Variants in NSUN4 observed in about 807,000 individuals in gnomAD.
NSUN4 encodes the protein NOP2/Sun RNA methyltransferase 4, also known as 5-cytosine rRNA methyltransferase NSUN4.
NSUN4 carries 31 observed loss-of-function variants against 43.8 expected under a neutral mutation model. The observed-to-expected ratio is 0.71, with a 90% CI of 0.53 to 0.96. The LOEUF is 0.96. Ranked by LOEUF, NSUN4 falls within the 40% of genes least tolerant of loss-of-function variation. The pLI is 0.00. For missense variants in NSUN4, 439 were observed against 475.6 expected (o/e 0.92, Z 0.72); for synonymous variants, 167 against 184.1 (o/e 0.91, Z 0.75).
In NSUN4 at chr1:46,344,842, G is replaced by A. The variant is rs758297683; in HGVS notation, c.135G>A (p.Leu45=). 3 of 1,614,078 alleles carry A rather than the reference G, an allele frequency of 1.9e-6. No homozygotes were observed. The African/African-American group carries it at 4.0e-5, about 22-fold the overall frequency. The stretch of plus-strand genomic sequence containing the variant: ...AATTCCCTGCTGTTCGACTGGCTTT[G>A]CAGAATTTTGACATGACTTACAGTG... ...EPKFPAVRLA[L]QNFDMTYSVQ... The change falls in exon 2 of 6, where the codon TTG becomes TTA. Residue 45 remains leucine, a synonymous_variant. Transcript: ENST00000474844.
rs930721928 is a variant in NSUN4 at position 46,363,742 on chromosome 1, G to A, written c.*1896G>A. 6.6e-6 allele frequency: 1 copy of A among 152,396 alleles called. No homozygotes were observed. Among genetic ancestry groups the A allele is most frequent in the African/African-American group, 2.4e-5 (1 of 41,374 alleles). 9.4% of individuals were successfully genotyped at this position (152,396 alleles called of 1,614,324 possible). A position where few individuals can be genotyped will look rare whatever the true frequency, so the allele number is the denominator to read the frequency against. ...AGCAAGAGAGTGGACAAGTAAACTG[G>A]AATATTCACATAATAGAACATTATA... On this transcript the variant is annotated 3_prime_UTR_variant, in exon 6 of 6. Transcript: ENST00000474844.
chr1:46,366,255 A>G (rs1664130130), downstream of NSUN4, among the ~76,000 whole-genome samples: 1 of 152,238 alleles, frequency 6.6e-6, no homozygotes, highest in Admixed American at 6.5e-5. Context: ...ATTTAAAAAC[A>G]TGTAAAAAGA....
chr1:46,367,224 T>G (rs896802542), downstream of NSUN4, among the ~76,000 whole-genome samples: 2 of 152,124 alleles, frequency 1.3e-5, no homozygotes, highest in Admixed American at 1.3e-4. Context: ...ATCTGCATTC[T>G]TCATCTCCAA....
intron 2 of NSUN4, among the ~76,000 whole-genome samples, chr1:46,345,755 A>G (rs1014013392): frequency 1.7e-4 from 26 of 152,232 alleles, no homozygotes; most frequent in African/African-American, 6.3e-4. Flanking sequence ...GAATGAGAAA[A>G]GACTGCAGAA....
At chr1:46,347,102 CAG>C (rs760023425) in intron 3 of NSUN4, 27 bp downstream of exon 3, 7 of 1,605,104 alleles carry the variant, frequency 4.4e-6, no homozygotes, top group Middle Eastern at 1.7e-4. Context: ...GTGTGTTGGG[CAG>C]AGAGAGCTCC....
At chr1:46,361,346 G>A (rs1008197162) in intron 5 of NSUN4, among the ~76,000 whole-genome samples, 3 of 152,172 alleles carry the variant, frequency 2.0e-5, no homozygotes, top group Non-Finnish European at 2.9e-5. Context: ...GGGGGTCATT[G>A]TAAGGAGACT....
downstream of NSUN4, among the ~76,000 whole-genome samples, chr1:46,367,898 G>A (rs1557748328): frequency 6.6e-6 from 1 of 151,642 alleles, no homozygotes; most frequent in Admixed American, 6.6e-5. Flanking sequence ...CTGAGTAGCT[G>A]GGACTACAGG....
At chr1:46,357,267 CT>C (rs1663449841) in intron 4 of NSUN4, among the ~76,000 whole-genome samples, 1 of 152,198 alleles carries the variant, frequency 6.6e-6, no homozygotes, top group Non-Finnish European at 1.5e-5. Flanking sequence ...GCAACCTCTG[CT>C]TCCTGGGCTC....
At chr1:46,346,485 G>A (rs1160389076) in intron 2 of NSUN4, among the ~76,000 whole-genome samples, 1 of 148,892 alleles carries the variant, frequency 6.7e-6, no homozygotes, top group Non-Finnish European at 1.5e-5. Context: ...CTGGGAGGCA[G>A]AGGTTGCAGT....
the NSUN4 span, among the ~76,000 whole-genome samples, chr1:46,377,791 A>G: frequency 1.1e-3 from 170 of 152,320 alleles, 2 homozygotes; most frequent in South Asian, 0.033. Context: ...ACGGCAACCA[A>G]TGGGGTAGTA....
chr1:46,360,099 G>A (rs945523452), intron 4 of NSUN4, among the ~76,000 whole-genome samples: 7 of 149,992 alleles, frequency 4.7e-5, no homozygotes. Context: ...CATGGTGGCA[G>A]GCGCCTGTAG....
chr1:46,376,407 T>TA, the NSUN4 span, among the ~76,000 whole-genome samples: 344 of 137,292 alleles, frequency 2.5e-3, 1 homozygote, highest in African/African-American at 5.5e-3. Context: ...GGACCCTGCA[T>TA]AAAAAAAAAA....
chr1:46,348,348 A>G (rs566531203), intron 3 of NSUN4, among the ~76,000 whole-genome samples: 5 of 152,208 alleles, frequency 3.3e-5, no homozygotes, highest in African/African-American at 1.2e-4. Context: ...CTCCCACAGC[A>G]TGGGTATCGC....
chr1:46,357,591 G>A (rs555691661), intron 4 of NSUN4, among the ~76,000 whole-genome samples: 1 of 152,318 alleles, frequency 6.6e-6, no homozygotes, highest in South Asian at 2.1e-4. Flanking sequence ...CAGGAGTCCA[G>A]CGGTCCTAAG....
At chr1:46,382,275 G>C in the NSUN4 span, among the ~76,000 whole-genome samples, 1 of 152,206 alleles carries the variant, frequency 6.6e-6, no homozygotes, top group South Asian at 2.1e-4. Context: ...GCACTTACCT[G>C]TGCCCCATCA....
chr1:46,368,495 G>T (rs1263779293), downstream of NSUN4, among the ~76,000 whole-genome samples: 2 of 152,084 alleles, frequency 1.3e-5, no homozygotes, highest in Non-Finnish European at 1.5e-5. Flanking sequence ...AAGAAGCCTG[G>T]ACCAATCTGC....
the NSUN4 span, among the ~76,000 whole-genome samples, chr1:46,374,272 G>A: frequency 9.6e-6 from 1 of 104,000 alleles, no homozygotes; most frequent in African/African-American, 3.9e-5. Context: ...GGCAACAAGA[G>A]TAAATCTCTG....
chr1:46,361,739 G>A lies in NSUN4; in HGVS notation c.1048G>A (p.Asp350Asn). The A allele has an allele frequency of 6.2e-7, 1 of 1,614,208 alleles. No individual in the cohort carries two copies. Among genetic ancestry groups the A allele is most frequent in the African/African-American group, 1.3e-5 (1 of 75,054 alleles). ...GACTCACTTCCGAAGGGTTTTCATG[G>A]ACACATTTTGTTTCTTCTCATCCTG... is the stretch of plus-strand genomic sequence containing the variant. The part of the protein sequence containing the change: ...DLTHFRRVFM[D>N]TFCFFSSCQV... Residue 350 changes from aspartate to asparagine, a missense_variant, in exon 6 of 6, where the codon GAC becomes AAC. Physicochemically the swap from Asp to Asn is conservative, Grantham distance 23 (BLOSUM62 1). Transcript: ENST00000474844.
chr1:46,358,365 G>A (rs1186079457), intron 4 of NSUN4, among the ~76,000 whole-genome samples: 1 of 150,414 alleles, frequency 6.6e-6, no homozygotes, highest in East Asian at 2.0e-4. Flanking sequence ...CAAAGTGCTG[G>A]GATTATAGGC....
Sources: gnomAD v4.1 joint callset for allele counts (sites outside exome capture counted in the v4.1 genomes callset) on GRCh38, gnomAD v4.1.1 for gene constraint, MANE v1.5 for transcripts, NCBI Gene and HGNC (gene_info 2026-07-23, HGNC 2026-07-21) for gene names.